The following GAREM1 variants were observed in gnomAD, a reference collection of about 807,000 sequenced individuals.
GAREM1 encodes GRB2 associated regulator of MAPK1 subtype 1.
A neutral mutation model predicts 71.3 loss-of-function variants in GAREM1; 26 were observed. The observed-to-expected ratio is 0.36, with a 90% CI of 0.27 to 0.51. GAREM1 has a LOEUF of 0.51. GAREM1 is among the 20% of genes least tolerant of loss of function. The pLI is 0.95. For missense variants in GAREM1, 1,026 were observed against 1,103.1 expected (o/e 0.93, Z 0.99); for synonymous variants, 440 against 433.2 (o/e 1.02, Z -0.20).
intron 1 of GAREM1, among the ~76,000 whole-genome samples, chr18:32,448,659 A>G (rs1286366137): frequency 6.6e-6 from 1 of 152,222 alleles, no homozygotes; most frequent in Non-Finnish European, 1.5e-5. Context: ...GTTTATATAT[A>G]TACAAATATC....
At chr18:32,402,109 ATAAAG>A (rs1375807169) in intron 1 of GAREM1, among the ~76,000 whole-genome samples, 2 of 152,234 alleles carry the variant, frequency 1.3e-5, no homozygotes, top group Admixed American at 6.5e-5. Context: ...AAATGAATTC[ATAAAG>A]TAAACAATTT....
intron 1 of GAREM1, among the ~76,000 whole-genome samples, chr18:32,443,001 A>T (rs184947912): frequency 9.5e-4 from 144 of 152,324 alleles, no homozygotes; most frequent in African/African-American, 3.4e-3. Context: ...CAAAAATAAT[A>T]CAAAGAAGAA....
chr18:32,453,613 C>G (rs1279246564), intron 1 of GAREM1, among the ~76,000 whole-genome samples: 1 of 152,128 alleles, frequency 6.6e-6, no homozygotes, highest in African/African-American at 2.4e-5. Context: ...TTGTCTTTCT[C>G]TCATAAGTAC....
chr18:32,369,464 A>G (rs2047956335), intron 2 of GAREM1, among the ~76,000 whole-genome samples: 1 of 152,180 alleles, frequency 6.6e-6, no homozygotes, highest in Non-Finnish European at 1.5e-5. Flanking sequence ...TTTTATCTAT[A>G]TGTATGATAC....
chr18:32,412,466 A>C, intron 1 of GAREM1: 1 of 1,591,830 alleles, frequency 6.3e-7, no homozygotes, highest in Non-Finnish European at 8.5e-7. Flanking sequence ...CACTGCCACC[A>C]TATCTACCAC....
chr18:32,444,649 C>T (rs1309970917), intron 1 of GAREM1, among the ~76,000 whole-genome samples: 3 of 152,120 alleles, frequency 2.0e-5, no homozygotes, highest in Admixed American at 2.0e-4. Flanking sequence ...CACAGTAAAA[C>T]CAGCTGAACT....
chr18:32,305,147 TGAAA>T (rs1400677122), intron 3 of GAREM1, among the ~76,000 whole-genome samples: 1 of 151,878 alleles, frequency 6.6e-6, no homozygotes, highest in Non-Finnish European at 1.5e-5. Context: ...AAAAAAAAAG[TGAAA>T]GAGACAGGTG....
chr18:32,354,306 T>C (rs890795220), intron 2 of GAREM1, among the ~76,000 whole-genome samples: 2 of 152,172 alleles, frequency 1.3e-5, no homozygotes, highest in African/African-American at 4.8e-5. Context: ...TTGCCAACTT[T>C]AAGACAACTG....
chr18:32,398,858 C>A (rs1400390397), intron 1 of GAREM1, among the ~76,000 whole-genome samples: 2 of 151,972 alleles, frequency 1.3e-5, no homozygotes, highest in Non-Finnish European at 2.9e-5. Flanking sequence ...GGCAGAGACA[C>A]AACAAAAAAA....
intron 2 of GAREM1, among the ~76,000 whole-genome samples, chr18:32,379,565 G>A (rs1156633239): frequency 3.4e-5 from 5 of 146,324 alleles, no homozygotes; most frequent in Admixed American, 2.1e-4. Context: ...TTAGCTGGGC[G>A]TGGTGGTGTG....
chr18:32,401,182 G>T (rs959183798), intron 1 of GAREM1, among the ~76,000 whole-genome samples: 3 of 152,186 alleles, frequency 2.0e-5, no homozygotes, highest in African/African-American at 7.2e-5. Flanking sequence ...TCGTGGGGTT[G>T]GGGGGAGAGG....
At chr18:32,401,526 A>G (rs924365517) in intron 1 of GAREM1, among the ~76,000 whole-genome samples, 4 of 152,134 alleles carry the variant, frequency 2.6e-5, no homozygotes, top group African/African-American at 9.7e-5. Context: ...GGGCAAATAC[A>G]GCATGTGAGC....
rs780574109 is a variant in GAREM1 at position 32,470,456 on chromosome 18, C to G, written c.-28G>C. The stretch of plus-strand genomic sequence containing the variant: ...TCCCCGAAGCCTCCTGTCCCGCGCT[C>G]CCCCGCCGCCGCCACCGGCACCACC... On this transcript the variant is annotated 5_prime_UTR_variant, in exon 1 of 6. Coordinates refer to ENST00000269209, the MANE Select transcript of GAREM1 (RefSeq NM_001242409.2). The surrounding 1 kb of genome is among the most constrained non-coding windows in gnomAD (Gnocchi z 4.4). 7.7e-7 allele frequency: 1 copy of G among 1,302,836 alleles called. No homozygotes were observed. The highest frequency in any genetic ancestry group is 3.1e-5 in the East Asian group (1 of 32,212). The allele number at this position is 1,302,836 out of a possible 1,614,324, so 80.7% of individuals were successfully genotyped here. A position where few individuals can be genotyped will look rare whatever the true frequency, so the allele number is the denominator to read the frequency against.
intron 1 of GAREM1, among the ~76,000 whole-genome samples, chr18:32,418,546 G>A (rs1456847991): frequency 6.6e-6 from 1 of 152,052 alleles, no homozygotes; most frequent in Non-Finnish European, 1.5e-5. Context: ...AAAGTAAAAG[G>A]GAAAGAAACC....
intron 1 of GAREM1, among the ~76,000 whole-genome samples, chr18:32,407,210 C>A (rs573351855): frequency 1.3e-4 from 20 of 152,278 alleles, no homozygotes; most frequent in Admixed American, 1.0e-3. Context: ...GAAAAACAAC[C>A]ACAATAGAGA....
At chr18:32,380,154 G>T (rs2048081250) in intron 2 of GAREM1, among the ~76,000 whole-genome samples, 1 of 152,080 alleles carries the variant, frequency 6.6e-6, no homozygotes, top group South Asian at 2.1e-4. Flanking sequence ...TTTTCTATAA[G>T]TCTGAGCAAT....
At chr18:32,305,062 C>G (rs1349209516) in intron 3 of GAREM1, among the ~76,000 whole-genome samples, 1 of 151,620 alleles carries the variant, frequency 6.6e-6, no homozygotes, top group African/African-American at 2.4e-5. Flanking sequence ...AAAAAAAAAC[C>G]CCACAAATAT....
At position 32,470,284 on chromosome 18, in the gene GAREM1, C is replaced by A. The variant is rs1316773239; in HGVS notation, c.121+24G>T. The A allele has an allele frequency of 5.4e-6, 8 of 1,487,904 alleles. No homozygotes were observed. In the African/African-American group the frequency reaches 1.2e-4, roughly 21 times the overall value. 92.2% of individuals were successfully genotyped at this position (1,487,904 alleles called of 1,614,324 possible). ...GGAGACGGCTGTCCTCGCCCGTCTGCCCCGCGCCCCAGCTGGGACTCACCG... is the reference window on the plus strand; with the variant it reads ...GGAGACGGCTGTCCTCGCCCGTCTGACCCGCGCCCCAGCTGGGACTCACCG... On this transcript the variant is annotated intron_variant, in intron 1 of 5. Transcript: ENST00000269209. This position sits in a 1 kb window ranked among gnomAD's most constrained non-coding sequence, Gnocchi z 4.4.
intron 2 of GAREM1, among the ~76,000 whole-genome samples, chr18:32,314,894 T>C (rs1263176643): frequency 6.6e-6 from 1 of 152,120 alleles, no homozygotes; most frequent in African/African-American, 2.4e-5. Flanking sequence ...GCCAATTTTT[T>C]TGATTAAGAA....
Sources: allele counts gnomAD v4.1 joint callset (sites outside exome capture counted in the v4.1 genomes callset), GRCh38; gene constraint gnomAD v4.1.1; non-coding constraint Gnocchi (gnomAD v3.1); transcripts MANE v1.5; gene names NCBI Gene and HGNC (gene_info 2026-07-23, HGNC 2026-07-21).